Variants in SYN3 observed in about 807,000 individuals in gnomAD.
SYN3 encodes synapsin III.
A neutral mutation model predicts 65.8 loss-of-function variants in SYN3; 35 were observed. That is an observed-to-expected ratio of 0.53 (90% CI 0.41 to 0.70). The LOEUF (loss-of-function observed/expected upper bound fraction) is 0.70. Ranked by LOEUF, SYN3 falls within the 30% of genes least tolerant of loss-of-function variation. The pLI, the probability that SYN3 is intolerant of heterozygous loss-of-function variation, is 0.00. For missense variants in SYN3, 680 were observed against 749.0 expected (o/e 0.91, Z 1.08); for synonymous variants, 270 against 292.9 (o/e 0.92, Z 0.80).
At chr22:32,663,413 C>T (rs961884418) in intron 6 of SYN3, among the ~76,000 whole-genome samples, 19 of 151,814 alleles carry the variant, frequency 1.3e-4, no homozygotes, top group Non-Finnish European at 2.5e-4. Flanking sequence ...ATTCTCCTGC[C>T]TCAGCCGCCC....
chr22:32,566,850 G>A (rs750018178), intron 7 of SYN3, among the ~76,000 whole-genome samples: 63 of 152,130 alleles, frequency 4.1e-4, no homozygotes, highest in Non-Finnish European at 6.2e-4. Context: ...AACATTGAGC[G>A]CCAGGAGTGA....
chr22:32,874,641 T>C (rs1297656486), intron 4 of SYN3, among the ~76,000 whole-genome samples: 1 of 152,180 alleles, frequency 6.6e-6, no homozygotes, highest in Non-Finnish European at 1.5e-5. Flanking sequence ...TCTCAGTCAC[T>C]TGACCACTAT....
At chr22:32,754,989 A>G (rs1602065256) in intron 6 of SYN3, among the ~76,000 whole-genome samples, 1 of 152,286 alleles carries the variant, frequency 6.6e-6, no homozygotes, top group East Asian at 1.9e-4. Context: ...TCCCCCTGCA[A>G]GGACAATGTG....
chr22:32,554,789 T>C (rs759014604), intron 7 of SYN3, among the ~76,000 whole-genome samples: 8 of 152,198 alleles, frequency 5.3e-5, no homozygotes, highest in Non-Finnish European at 1.2e-4. Flanking sequence ...CACCCTTCTC[T>C]AGAAGTAAAA....
intron 6 of SYN3, among the ~76,000 whole-genome samples, chr22:32,787,143 G>A (rs545120908): frequency 2.7e-5 from 4 of 150,362 alleles, no homozygotes; most frequent in African/African-American, 9.8e-5. Context: ...CATCTCCTGG[G>A]CTCAAGTGAT....
intron 3 of SYN3, among the ~76,000 whole-genome samples, chr22:32,977,094 A>G (rs2052217315): frequency 6.6e-6 from 1 of 152,152 alleles, no homozygotes; most frequent in African/African-American, 2.4e-5. Flanking sequence ...TCTACTGGGG[A>G]AAAATGCCCA....
In SYN3 at chr22:32,528,788, C is replaced by T. The variant is rs764793801; in HGVS notation, c.1230+86G>A. 7.8e-5 allele frequency: 122 copies of T among 1,568,022 alleles called. 1 individual carries two copies. In the Middle Eastern group the frequency reaches 8.4e-4, roughly 11 times the overall value. ...CAAGGTGGTTTCTTCCTGGGGGTAT[C>T]CCCTTTGGATCCAGGGGCTCCCCAT... On this transcript the variant is annotated intron_variant, in intron 11 of 13. Transcript: ENST00000358763.
intron 4 of SYN3, among the ~76,000 whole-genome samples, chr22:32,872,917 G>T (rs1273303420): frequency 6.6e-6 from 1 of 151,158 alleles, no homozygotes; most frequent in African/African-American, 2.4e-5. Flanking sequence ...GAGGAGTTGG[G>T]TGCAACGTGC....
At chr22:32,627,134 G>T (rs1451144586) in intron 6 of SYN3, among the ~76,000 whole-genome samples, 1 of 141,140 alleles carries the variant, frequency 7.1e-6, no homozygotes, top group Non-Finnish European at 1.6e-5. Context: ...CGTTGTGTAA[G>T]TGGGGGGTGG....
chr22:32,596,829 T>C, intron 6 of SYN3, 93 bp from the exon 7 acceptor site: 1 of 1,308,498 alleles, frequency 7.6e-7, no homozygotes, highest in Non-Finnish European at 1.1e-6. Context: ...ATCCATTCAT[T>C]TCATATGGTC....
intron 6 of SYN3, among the ~76,000 whole-genome samples, chr22:32,670,975 C>T (rs1427752371): frequency 6.6e-6 from 1 of 152,154 alleles, no homozygotes; most frequent in Non-Finnish European, 1.5e-5. Context: ...CTATTGACAA[C>T]GGAGCAAAGT....
chr22:32,683,579 G>A (rs1022199049), intron 6 of SYN3, among the ~76,000 whole-genome samples: 51 of 152,174 alleles, frequency 3.4e-4, no homozygotes, highest in African/African-American at 1.1e-3. Context: ...AATCTTTGGC[G>A]TTCCTTGGCT....
At chr22:32,706,871 C>A (rs974760518) in intron 6 of SYN3, among the ~76,000 whole-genome samples, 1 of 152,140 alleles carries the variant, frequency 6.6e-6, no homozygotes, top group African/African-American at 2.4e-5. Flanking sequence ...TCACCCCAAC[C>A]CTACTCTCTC....
chr22:32,963,266 CAGTAGAG>C (rs2051719236), intron 3 of SYN3, among the ~76,000 whole-genome samples: 2 of 78,310 alleles, frequency 2.6e-5, no homozygotes, highest in Non-Finnish European at 4.9e-5. Flanking sequence ...TTTTTTTTTT[CAGTAGAG>C]ACAGGGTTTC....
intron 4 of SYN3, among the ~76,000 whole-genome samples, chr22:32,924,900 TG>T (rs2050428197): frequency 1.3e-5 from 2 of 152,140 alleles, no homozygotes; most frequent in Admixed American, 1.3e-4. Context: ...GATACCAGCT[TG>T]GGCAACAGAG....
intron 4 of SYN3, among the ~76,000 whole-genome samples, chr22:32,914,599 G>A (rs137546): frequency 0.98 from 148,770 of 151,916 alleles, 72,854 homozygotes; most frequent in East Asian, 1. Context: ...CACCATGCCC[G>A]GCTAATTTTT....
rs1425006581 is a variant in SYN3 at position 32,814,234 on chromosome 22, AAAG to A, written c.711+50678_711+50680del. On this transcript the variant is annotated intron_variant, in intron 6 of 13. Transcript: ENST00000358763. ...ACAAAGAAAGGAAAGAAAGAAAAAA[AAAG>A]AAAGAAAGAAGGAAAGAAAGAAAGA... 8.9e-3 allele frequency among the ~76,000 whole-genome samples: 1,310 copies of A among 146,702 alleles called. 23 individuals are homozygous for A. The highest frequency in any genetic ancestry group is 0.03 in the African/African-American group (1,203 of 40,002).
intron 6 of SYN3, among the ~76,000 whole-genome samples, chr22:32,606,169 G>A (rs919505676): frequency 1.3e-5 from 2 of 152,186 alleles, no homozygotes; most frequent in Admixed American, 1.3e-4. Context: ...GGGGCCATGG[G>A]ATGTCAAAGG....
intron 4 of SYN3, among the ~76,000 whole-genome samples, chr22:32,900,313 A>C (rs2049721703): frequency 6.6e-6 from 1 of 152,170 alleles, no homozygotes; most frequent in Non-Finnish European, 1.5e-5. Flanking sequence ...GAAGCAGCAG[A>C]TCCTCTTCAT....
Sources: allele counts gnomAD v4.1 joint callset (sites outside exome capture counted in the v4.1 genomes callset), GRCh38; gene constraint gnomAD v4.1.1; transcripts MANE v1.5; gene names NCBI Gene and HGNC (gene_info 2026-07-23, HGNC 2026-07-21).